Variants in FGF13 observed in about 807,000 individuals in gnomAD.
FGF13 encodes fibroblast growth factor homologous factor 2.
FGF13 carries 2 observed loss-of-function variants against 19.5 expected under a neutral mutation model. That is an observed-to-expected ratio of 0.10 (90% CI 0.04 to 0.32). FGF13 has a LOEUF of 0.32. Ranked by LOEUF, FGF13 falls within the 10% of genes least tolerant of loss-of-function variation. FGF13 has a pLI of 1.00. For synonymous variants in FGF13, 72 were observed against 76.9 expected (o/e 0.94, Z 0.33); for missense variants, 113 against 192.7 (o/e 0.59, Z 2.45).
intron 1 of FGF13, among the ~76,000 whole-genome samples, chrX:139,060,232 A>G (rs1356789801): frequency 9.0e-6 from 1 of 111,099 alleles, no homozygotes; most frequent in East Asian, 2.8e-4. Context: ...TATTTATATT[A>G]TTGTTTATGT....
intron 3 of FGF13, among the ~76,000 whole-genome samples, chrX:138,670,480 C>T (rs2089599490): frequency 8.9e-6 from 1 of 112,015 alleles, no homozygotes; most frequent in African/African-American, 3.2e-5. Context: ...ATACATACAA[C>T]AGAATGTTAT....
chrX:139,004,163 C>G, intron 1 of FGF13, among the ~76,000 whole-genome samples: 1 of 112,807 alleles, frequency 8.9e-6, no homozygotes, highest in Non-Finnish European at 1.9e-5. Flanking sequence ...GGTCCCGAGC[C>G]CTGCCCCGCA....
chrX:139,122,619 A>G (rs2083685437), intron 1 of FGF13, among the ~76,000 whole-genome samples: 1 of 111,634 alleles, frequency 9.0e-6, no homozygotes, highest in South Asian at 3.8e-4. Flanking sequence ...ACTCCTTCTT[A>G]TTCTCCTCTA....
intron 1 of FGF13, among the ~76,000 whole-genome samples, chrX:138,947,269 A>C (rs1345089202): frequency 9.0e-6 from 1 of 111,490 alleles, no homozygotes; most frequent in Non-Finnish European, 1.9e-5. Flanking sequence ...TTTCATTTTA[A>C]TGTCACAGCT....
At chrX:138,646,700 G>T (rs778299839) in intron 3 of FGF13, among the ~76,000 whole-genome samples, 4 of 111,640 alleles carry the variant, frequency 3.6e-5, no homozygotes, top group Non-Finnish European at 7.5e-5. Context: ...GAGGTATTCA[G>T]GAAATGACCC....
intron 3 of FGF13, among the ~76,000 whole-genome samples, chrX:138,793,074 G>A (rs1312788166): frequency 9.0e-6 from 1 of 111,396 alleles, no homozygotes; most frequent in Non-Finnish European, 1.9e-5. Context: ...GAAGTGATGC[G>A]AAGACAGGTA....
At chrX:138,849,090 A>G (rs1296361668) in intron 3 of FGF13, among the ~76,000 whole-genome samples, 1 of 111,485 alleles carries the variant, frequency 9.0e-6, no homozygotes, top group East Asian at 2.8e-4. Flanking sequence ...GCTACTTGAC[A>G]AAGCTCATGT....
intron 1 of FGF13, among the ~76,000 whole-genome samples, chrX:139,150,564 T>A (rs1419553248): frequency 2.7e-5 from 3 of 111,631 alleles, no homozygotes; most frequent in Non-Finnish European, 5.6e-5. Context: ...TTTCCTGTTA[T>A]TGTATCTAGC....
At chrX:139,087,250 C>T (rs1427770641) in intron 1 of FGF13, among the ~76,000 whole-genome samples, 4 of 109,762 alleles carry the variant, frequency 3.6e-5, no homozygotes, top group Non-Finnish European at 7.6e-5. Context: ...GAGCCGAGAT[C>T]GCGCCATTGC....
chrX:138,742,238 A>C (rs1235058596), upstream of FGF13, among the ~76,000 whole-genome samples: 1 of 112,206 alleles, frequency 8.9e-6, no homozygotes, highest in Admixed American at 9.4e-5. Flanking sequence ...TGATCTGACC[A>C]GCACCTGTGA....
chrX:138,772,020 A>G (rs5976196), intron 3 of FGF13, among the ~76,000 whole-genome samples: 264 of 13,521 alleles, frequency 0.02, 1 homozygote, highest in African/African-American at 0.13. Context: ...ACATATGTGT[A>G]TATATATATA....
At chrX:138,796,533 C>T (rs1337502198) in intron 3 of FGF13, among the ~76,000 whole-genome samples, 2 of 111,731 alleles carry the variant, frequency 1.8e-5, no homozygotes, top group East Asian at 5.6e-4. Flanking sequence ...GATAAACATA[C>T]GTGTGCATGT....
At chrX:139,051,304 T>A (rs1307325457) in intron 1 of FGF13, among the ~76,000 whole-genome samples, 1 of 112,071 alleles carries the variant, frequency 8.9e-6, no homozygotes, top group African/African-American at 3.2e-5. Context: ...AACACCTACT[T>A]TGGTTATCCA....
At chrX:138,845,871 A>G (rs759173625) in intron 3 of FGF13, among the ~76,000 whole-genome samples, 7 of 111,982 alleles carry the variant, frequency 6.3e-5, no homozygotes, top group African/African-American at 2.3e-4. Context: ...AAGAAGGAAC[A>G]TAAGAGAAAA....
At chrX:138,858,026 A>G (rs1490616737) in intron 2 of FGF13, among the ~76,000 whole-genome samples, 1 of 112,054 alleles carries the variant, frequency 8.9e-6, no homozygotes, top group East Asian at 2.8e-4. Flanking sequence ...CAATATAAGT[A>G]TTCATAGGTT....
chrX:138,677,258 C>T (rs953600995), intron 3 of FGF13, among the ~76,000 whole-genome samples: 2 of 111,029 alleles, frequency 1.8e-5, no homozygotes, highest in East Asian at 5.7e-4. Flanking sequence ...ATTCAGGACA[C>T]AGGCATGGGC....
chrX:139,168,317 T>C (rs1436068064), intron 1 of FGF13, among the ~76,000 whole-genome samples: 1 of 111,968 alleles, frequency 8.9e-6, no homozygotes, highest in Non-Finnish European at 1.9e-5. Context: ...TCTACCTAGA[T>C]CTTTCAGAAA....
intron 3 of FGF13, among the ~76,000 whole-genome samples, chrX:138,650,282 A>G (rs1000860465): frequency 1.8e-5 from 2 of 112,394 alleles, no homozygotes; most frequent in Non-Finnish European, 3.8e-5. Flanking sequence ...TTCATGTTAT[A>G]GTTAAGTATT....
chrX:138,823,700 C>A (rs1324428086), intron 3 of FGF13, among the ~76,000 whole-genome samples: 1 of 111,848 alleles, frequency 8.9e-6, no homozygotes, highest in Non-Finnish European at 1.9e-5. Context: ...GTAAATAACA[C>A]CATGACTGCA....
Sources: allele counts gnomAD v4.1 joint callset (sites outside exome capture counted in the v4.1 genomes callset), GRCh38; gene constraint gnomAD v4.1.1; transcripts MANE v1.5; gene names NCBI Gene and HGNC (gene_info 2026-07-23, HGNC 2026-07-21).